PPP6R3: variants seen among roughly 807,000 people sequenced by gnomAD.
PPP6R3 encodes protein phosphatase 6 regulatory subunit 3.
A neutral mutation model predicts 110.7 loss-of-function variants in PPP6R3; 38 were observed. The observed-to-expected ratio is 0.34, with a 90% CI of 0.26 to 0.45. PPP6R3 has a LOEUF of 0.45. Among genes scored for constraint, PPP6R3 ranks in the 20% least tolerant of loss-of-function variants. The pLI is 1.00. For missense variants in PPP6R3, 870 were observed against 1,062.4 expected, an observed-to-expected ratio of 0.82 and a Z score of 2.52; for synonymous variants, 369 against 373.5, an observed-to-expected ratio of 0.99 and a Z score of 0.14.
At chr11:68,604,563 A>G (rs887216288) in intron 22 of PPP6R3, among the ~76,000 whole-genome samples, 9 of 152,246 alleles carry the variant, frequency 5.9e-5, no homozygotes, top group Admixed American at 5.2e-4. Context: ...CAAATGCAGC[A>G]TTCCAAATAA....
chr11:68,477,742 ATATATATATATATATAT>A (rs1344599978), intron 1 of PPP6R3, among the ~76,000 whole-genome samples: 26 of 49,626 alleles, frequency 5.2e-4, no homozygotes, highest in African/African-American at 2.0e-3. Flanking sequence ...AAAAAAAAAA[ATATATATATATATATAT>A]ATATATATAT....
chr11:68,594,481 A>AC lies in PPP6R3; in HGVS notation c.1917-1612dup, dbSNP rs1197011525. ...AGACCAGCTCGAGGAACATAGGGAGACCCCATCTCTATTTTTTTAAAAAAA... is the reference window on the plus strand; with the variant it reads ...AGACCAGCTCGAGGAACATAGGGAGACCCCCATCTCTATTTTTTTAAAAAAA... On this transcript the variant is annotated intron_variant, in intron 18 of 23. Transcript: ENST00000393800. Among the ~76,000 whole-genome samples, 25 of 151,896 alleles carry AC rather than the reference A, an allele frequency of 1.6e-4. No individual in the cohort carries two copies. In the East Asian group the frequency reaches 2.1e-3, roughly 13 times the overall value.
At chr11:68,607,477 A>C (rs1401009865) in intron 22 of PPP6R3, among the ~76,000 whole-genome samples, 1 of 152,198 alleles carries the variant, frequency 6.6e-6, no homozygotes, top group East Asian at 1.9e-4. Context: ...CTTTCTGTGG[A>C]CCAGGCCCTG....
intron 15 of PPP6R3, among the ~76,000 whole-genome samples, chr11:68,583,949 T>G (rs2099570344): frequency 6.6e-6 from 1 of 152,218 alleles, no homozygotes; most frequent in Non-Finnish European, 1.5e-5. Flanking sequence ...AGCTTCGTCT[T>G]AGATGAAGCT....
At chr11:68,538,576 T>C (rs1402266978) in intron 3 of PPP6R3, among the ~76,000 whole-genome samples, 3 of 152,230 alleles carry the variant, frequency 2.0e-5, no homozygotes, top group Non-Finnish European at 2.9e-5. Flanking sequence ...TTACATAAAC[T>C]TAATGGAACA....
intron 4 of PPP6R3, among the ~76,000 whole-genome samples, chr11:68,547,257 G>C (rs1014902118): frequency 7.9e-5 from 12 of 151,874 alleles, no homozygotes; most frequent in African/African-American, 2.4e-4. Context: ...AACCCCCCAC[G>C]CCCCAGAGCT....
At chr11:68,522,873 G>A (rs540861099) in intron 2 of PPP6R3, among the ~76,000 whole-genome samples, 76 of 152,234 alleles carry the variant, frequency 5.0e-4, no homozygotes, top group Non-Finnish European at 8.8e-4. Context: ...TGTTCATGGA[G>A]GCTAAAAAGT....
chr11:68,537,546 C>CT (rs1299919899), intron 2 of PPP6R3, 113 bp from the exon 3 acceptor site: 3 of 689,374 alleles, frequency 4.4e-6, no homozygotes, highest in Admixed American at 6.5e-5. Flanking sequence ...GCTTATTTAA[C>CT]TTATGTGAGC....
intron 3 of PPP6R3, among the ~76,000 whole-genome samples, chr11:68,540,766 T>A (rs1034871403): frequency 3.9e-5 from 6 of 152,214 alleles, no homozygotes; most frequent in Non-Finnish European, 5.9e-5. Flanking sequence ...GAAAAAGAAT[T>A]GAGCGATATT....
chr11:68,609,896 T>C lies in PPP6R3; in HGVS notation c.2451-8T>C. 6.2e-7 allele frequency: 1 copy of C among 1,614,030 alleles called. No homozygotes were observed. The highest frequency in any genetic ancestry group is 1.1e-5 in the South Asian group (1 of 91,072). On this transcript the variant is annotated splice_region_variant and splice_polypyrimidine_tract_variant and intron_variant, in intron 22 of 23. Coordinates refer to ENST00000393800, the MANE Select transcript of PPP6R3 (RefSeq NM_001164161.2). ...TGTTTGATGTGCCTGTCATCCTCTT[T>C]ACTGCAGTGAGGAAGGGAAACTGTC...
chr11:68,573,206 A>C (rs1238204211), intron 12 of PPP6R3, among the ~76,000 whole-genome samples: 2 of 141,192 alleles, frequency 1.4e-5, no homozygotes, highest in East Asian at 4.3e-4. Flanking sequence ...GTTGGAGTGC[A>C]GTAGCACAAT....
Position 68,477,741 on chromosome 11 carries a change from AATATATATAT to A in PPP6R3, c.-158+16936_-158+16945del, listed in dbSNP as rs1179617745. ...GACATTGTCTCTTAAAAAAAAAAAA[AATATATATAT>A]ATATATATATATATATATATAATTT... On this transcript the variant is annotated intron_variant, in intron 1 of 23. Coordinates refer to ENST00000393800, the MANE Select transcript of PPP6R3 (RefSeq NM_001164161.2). Among the ~76,000 whole-genome samples the A allele has an allele frequency of 1.4e-4, 8 of 57,908 alleles. No individual in the cohort carries two copies. The South Asian group carries it at 3.6e-3, about 26-fold the overall frequency. 38.0% of individuals were successfully genotyped at this position (57,908 alleles called of 152,430 possible). A position where few individuals can be genotyped will look rare whatever the true frequency, so the allele number is the denominator to read the frequency against.
intron 18 of PPP6R3, among the ~76,000 whole-genome samples, chr11:68,594,339 A>T (rs1000514109): frequency 1.5e-5 from 2 of 133,722 alleles, no homozygotes; most frequent in Non-Finnish European, 3.4e-5. Context: ...AGAGAGTGAG[A>T]GAGAGAGTGA....
At chr11:68,473,539 C>G (rs572457487) in intron 1 of PPP6R3, among the ~76,000 whole-genome samples, 2 of 152,258 alleles carry the variant, frequency 1.3e-5, no homozygotes, top group South Asian at 4.2e-4. Context: ...TTATGGGAAC[C>G]CCAGTTTATA....
At chr11:68,558,999 C>G (rs2099409443) in intron 8 of PPP6R3, among the ~76,000 whole-genome samples, 1 of 152,226 alleles carries the variant, frequency 6.6e-6, no homozygotes, top group African/African-American at 2.4e-5. Flanking sequence ...AACAGAGAAG[C>G]TTATTTCTTG....
chr11:68,462,598 G>T (rs1412012391), intron 1 of PPP6R3, among the ~76,000 whole-genome samples: 1 of 152,186 alleles, frequency 6.6e-6, no homozygotes, highest in African/African-American at 2.4e-5. Context: ...GTATTCTTCA[G>T]CAAAGATAGT....
In PPP6R3 at chr11:68,575,963, C is replaced by G; in HGVS notation, c.1465C>G (p.Pro489Ala). The G allele has an allele frequency of 6.2e-7, 1 of 1,609,148 alleles. No individual in the cohort carries two copies. The highest frequency in any genetic ancestry group is 8.5e-7 in the Non-Finnish European group (1 of 1,176,604). Residue 489 changes from proline to alanine, a missense_variant, in exon 14 of 24, where the codon CCC becomes GCC. Pro to Ala is a conservative substitution (Grantham distance 27). Coordinates refer to ENST00000393800, the MANE Select transcript of PPP6R3 (RefSeq NM_001164161.2). ...ALVQQLIKDL[P>A]DEVRERWETF... ...TTGCTTTTCTCACTCTGAAGATCTT[C>G]CCGACGAAGTCAGGGAACGATGGGA...
intron 1 of PPP6R3, among the ~76,000 whole-genome samples, chr11:68,506,418 A>AAAAAAAAAAAAAAAAAAAAAAAG (rs2099077691): frequency 1.2e-5 from 1 of 80,160 alleles, no homozygotes; most frequent in Non-Finnish European, 2.2e-5. Flanking sequence ...TATACTCAAA[A>AAAAAAAAAAAAAAAAAAAAAAAG]AAAAAAAAAA....
chr11:68,489,365 T>TA (rs1159767064), intron 1 of PPP6R3, among the ~76,000 whole-genome samples: 1 of 152,210 alleles, frequency 6.6e-6, no homozygotes, highest in Non-Finnish European at 1.5e-5. Flanking sequence ...TTTCCATTTT[T>TA]ATCTTCTTTC....
Sources: allele counts gnomAD v4.1 joint callset (sites outside exome capture counted in the v4.1 genomes callset), GRCh38; gene constraint gnomAD v4.1.1; transcripts MANE v1.5; gene names NCBI Gene and HGNC (gene_info 2026-07-23, HGNC 2026-07-21).